The following ADAMTS12 variants were observed in gnomAD, a reference collection of about 807,000 sequenced individuals.
ADAMTS12 encodes A disintegrin and metalloproteinase with thrombospondin motifs 12.
Under a neutral mutation model 167.8 loss-of-function variants are expected in ADAMTS12, and 118 were observed. The ratio of observed to expected loss-of-function variants is 0.70; its 90% confidence interval spans 0.61 to 0.82. ADAMTS12 has a LOEUF of 0.82. Among genes scored for constraint, ADAMTS12 ranks in the 40% least tolerant of loss-of-function variants. The pLI, the probability that ADAMTS12 is intolerant of heterozygous loss-of-function variation, is 0.00. For missense variants in ADAMTS12, 1,916 were observed against 1,998.8 expected (o/e 0.96, Z 0.79); for synonymous variants, 704 against 716.9 (o/e 0.98, Z 0.29).
At chr5:33,835,949 CTCTCTGTGTGTGTG>C (rs1748504872) in intron 2 of ADAMTS12, among the ~76,000 whole-genome samples, 1 of 42,286 alleles carries the variant, frequency 2.4e-5, no homozygotes, top group Admixed American at 3.9e-4. Flanking sequence ...CTCTCTCTCT[CTCTCTGTGTGTGTG>C]TGTGTGTCCA....
At chr5:33,535,066 A>C in intron 22 of ADAMTS12, 74 bp from the exon 23 acceptor site, 2 of 1,434,810 alleles carry the variant, frequency 1.4e-6, no homozygotes, top group Non-Finnish European at 1.9e-6. Context: ...GAACACCTCC[A>C]ATCCCACTGT....
chr5:33,828,566 T>A (rs948363592), intron 2 of ADAMTS12, among the ~76,000 whole-genome samples: 6 of 152,206 alleles, frequency 3.9e-5, no homozygotes, highest in Non-Finnish European at 8.8e-5. Flanking sequence ...ACTAAGTCAC[T>A]AAAATATTAT....
At chr5:33,752,308 C>T (rs190219129) in intron 2 of ADAMTS12, among the ~76,000 whole-genome samples, 2 of 152,244 alleles carry the variant, frequency 1.3e-5, no homozygotes, top group Admixed American at 1.3e-4. Flanking sequence ...CCAATGATCT[C>T]CTAAGATGGG....
At chr5:33,825,218 G>T (rs1176157697) in intron 2 of ADAMTS12, among the ~76,000 whole-genome samples, 1 of 152,130 alleles carries the variant, frequency 6.6e-6, no homozygotes, top group African/African-American at 2.4e-5. Context: ...GTCTCTTTGT[G>T]GAGGTGGCTC....
At chr5:33,543,774 CA>C (rs1474002664) in intron 22 of ADAMTS12, among the ~76,000 whole-genome samples, 1 of 152,146 alleles carries the variant, frequency 6.6e-6, no homozygotes, top group Non-Finnish European at 1.5e-5. Flanking sequence ...ATGATTGTCT[CA>C]ATAGATGCAG....
At chr5:33,575,414 A>G (rs556615751) in intron 19 of ADAMTS12, among the ~76,000 whole-genome samples, 28 of 152,304 alleles carry the variant, frequency 1.8e-4, no homozygotes, top group Admixed American at 1.6e-3. Context: ...CACTTGCCTT[A>G]TCATTCTGTA....
intron 3 of ADAMTS12, among the ~76,000 whole-genome samples, chr5:33,687,931 T>C (rs6451014): frequency 1 from 151,833 of 152,306 alleles, 75,684 homozygotes; most frequent in Non-Finnish European, 1. Flanking sequence ...ATCATACACA[T>C]CACTCTGTTT....
intron 17 of ADAMTS12, among the ~76,000 whole-genome samples, chr5:33,595,352 G>A (rs559073471): frequency 1.9e-4 from 29 of 152,268 alleles, no homozygotes; most frequent in South Asian, 4.1e-4. Context: ...GACATTTTTA[G>A]TTGTCATAGC....
intron 2 of ADAMTS12, among the ~76,000 whole-genome samples, chr5:33,787,699 C>T (rs1579935738): frequency 6.6e-6 from 1 of 152,232 alleles, no homozygotes; most frequent in Admixed American, 6.5e-5. Flanking sequence ...CTGATTTCCA[C>T]ACCAGCTGCC....
intron 5 of ADAMTS12, 151 bp from the exon 6 acceptor site, chr5:33,662,191 A>G: frequency 9.2e-6 from 8 of 869,506 alleles, no homozygotes; most frequent in Non-Finnish European, 1.4e-5. Context: ...AGGCCAACTG[A>G]CTCCTCTTGA....
At chr5:33,679,720 TC>T (rs1470658606) in intron 5 of ADAMTS12, among the ~76,000 whole-genome samples, 2 of 152,216 alleles carry the variant, frequency 1.3e-5, no homozygotes, top group African/African-American at 4.8e-5. Flanking sequence ...TGCAGTAGAC[TC>T]AAAGTTCCTC....
At chr5:33,618,131 T>C (rs1164080909) in intron 14 of ADAMTS12, among the ~76,000 whole-genome samples, 1 of 152,250 alleles carries the variant, frequency 6.6e-6, no homozygotes, top group East Asian at 1.9e-4. Flanking sequence ...CATTATATAT[T>C]GAATTCTTAT....
At chr5:33,849,414 A>AAT (rs773889401) in intron 2 of ADAMTS12, among the ~76,000 whole-genome samples, 25 of 140,592 alleles carry the variant, frequency 1.8e-4, no homozygotes, top group East Asian at 7.0e-4. Flanking sequence ...ATTGCACAGC[A>AAT]ATATATATAT....
chr5:33,587,484 T>G (rs937818135), intron 18 of ADAMTS12, among the ~76,000 whole-genome samples: 1 of 152,168 alleles, frequency 6.6e-6, no homozygotes, highest in Non-Finnish European at 1.5e-5. Flanking sequence ...AGACAGGGTC[T>G]CACTTTCTCA....
chr5:33,654,874 T>TTGTGTGTGTGTGTGTGTGTGTGTG (rs34219097), intron 7 of ADAMTS12, among the ~76,000 whole-genome samples: 1 of 141,568 alleles, frequency 7.1e-6, no homozygotes, highest in East Asian at 2.1e-4. Context: ...GTGGGTGATT[T>TTGTGTGTGTGTGTGTGTGTGTGTG]TGTGTGTGTG....
chr5:33,712,951 C>A (rs761890329), intron 3 of ADAMTS12, among the ~76,000 whole-genome samples: 1 of 152,102 alleles, frequency 6.6e-6, no homozygotes, highest in Non-Finnish European at 1.5e-5. Context: ...TTTGGCTAGA[C>A]TCTGTATAGC....
Position 33,624,266 on chromosome 5 carries a change from G to C in ADAMTS12, c.2108C>G (p.Thr703Ser). The C allele has an allele frequency of 6.2e-7, 1 of 1,614,022 alleles. No individual in the cohort carries two copies. The highest frequency in any genetic ancestry group is 8.5e-7 in the Non-Finnish European group (1 of 1,179,972). ...CTTCTGCTTAAACATCTTTCTCACA[G>C]TCTGGCAGGAAGAGCCATCTCCCAG... is the stretch of plus-strand genomic sequence containing the variant. The part of the protein sequence containing the change: ...VCLGDGSSCQ[T>S]VRKMFKQKEG... The change falls in exon 14 of 24, where the codon ACT becomes AGT. Residue 703 changes from threonine (T) to serine (S), a missense_variant. Transcript: ENST00000504830.
In ADAMTS12 at chr5:33,648,831, C is replaced by T. The variant is rs1740774401; in HGVS notation, c.1470G>A (p.Gln490=). 4 of 1,613,914 alleles carry T rather than the reference C, an allele frequency of 2.5e-6. No homozygotes were observed. The East Asian group carries it at 6.7e-5, about 27-fold the overall frequency. ...LQYGPNATFC[Q]EVENVCQTLW... is the part of the protein sequence containing the mutation. The stretch of plus-strand genomic sequence containing the variant: ...CAAGAGGTACACTTACTTCTACTTC[C>T]TGGCAGAAGGTAGCATTGGGTCCAT... Residue 490 remains glutamine, a synonymous_variant, in exon 9 of 24, where the codon CAG becomes CAA. Transcript: ENST00000504830.
At chr5:33,674,044 G>A (rs12657884) in intron 5 of ADAMTS12, among the ~76,000 whole-genome samples, 1 of 152,162 alleles carries the variant, frequency 6.6e-6, no homozygotes, top group African/African-American at 2.4e-5. Flanking sequence ...TTCCTCTTAG[G>A]GCCTCCAGAA....
Sources: gnomAD v4.1 joint callset for allele counts (sites outside exome capture counted in the v4.1 genomes callset) on GRCh38, gnomAD v4.1.1 for gene constraint, MANE v1.5 for transcripts, NCBI Gene and HGNC (gene_info 2026-07-23, HGNC 2026-07-21) for gene names.